Variants in KCNN2 observed in about 807,000 individuals in gnomAD.
KCNN2 encodes the protein small conductance calcium-activated potassium channel protein 2.
Under a neutral mutation model 55.5 loss-of-function variants are expected in KCNN2, and 24 were observed. The ratio of observed to expected loss-of-function variants is 0.43; its 90% confidence interval spans 0.31 to 0.61. KCNN2 has a LOEUF of 0.61. Among genes scored for constraint, KCNN2 ranks in the 20% least tolerant of loss-of-function variants. The pLI, the probability that KCNN2 is intolerant of heterozygous loss-of-function variation, is 0.08. For missense variants in KCNN2, 754 were observed against 853.6 expected (o/e 0.88, Z 1.45); for synonymous variants, 431 against 336.1 (o/e 1.28, Z -3.09).
intron 1 of KCNN2, among the ~76,000 whole-genome samples, chr5:114,162,181 G>A (rs1314204899): frequency 6.6e-6 from 1 of 152,094 alleles, no homozygotes; most frequent in Non-Finnish European, 1.5e-5. Flanking sequence ...CGGGTTTTTG[G>A]TGTGGATGTC....
Position 114,390,989 on chromosome 5 carries a change from G to A in KCNN2, c.1219-13449G>A, listed in dbSNP as rs571654962. 3.3e-5 allele frequency among the ~76,000 whole-genome samples: 5 copies of A among 152,182 alleles called. No individual in the cohort carries two copies. In the East Asian group the frequency reaches 7.7e-4, roughly 24 times the overall value. On this transcript the variant is annotated intron_variant, in intron 2 of 7. Transcript: ENST00000673685. The stretch of plus-strand genomic sequence containing the variant: ...GCAGCATAACATGGATTTATTATAC[G>A]TAACCTTAACTATCACTGCATCCTG...
intron 2 of KCNN2, among the ~76,000 whole-genome samples, chr5:114,279,645 C>G (rs1251743620): frequency 2.6e-5 from 4 of 152,184 alleles, no homozygotes; most frequent in Non-Finnish European, 5.9e-5. Context: ...CTTTTTATGG[C>G]TGCATAGTAT....
At chr5:114,453,043 G>A (rs1236205443) in intron 3 of KCNN2, among the ~76,000 whole-genome samples, 1 of 152,144 alleles carries the variant, frequency 6.6e-6, no homozygotes, top group Non-Finnish European at 1.5e-5. Context: ...TATCAGCTTT[G>A]TTACTGAAAT....
At chr5:114,413,053 C>T (rs914148793) in intron 3 of KCNN2, among the ~76,000 whole-genome samples, 6 of 152,138 alleles carry the variant, frequency 3.9e-5, no homozygotes, top group African/African-American at 1.2e-4. Context: ...CATTTTCAGG[C>T]TCATAAATGA....
intron 2 of KCNN2, among the ~76,000 whole-genome samples, chr5:114,224,474 G>A (rs1394015515): frequency 6.6e-6 from 1 of 152,150 alleles, no homozygotes; most frequent in South Asian, 2.1e-4. Flanking sequence ...ATATTTTTTA[G>A]ATTCTAAATC....
chr5:114,312,430 CACACATATATATATATAT>C (rs1756419204), intron 2 of KCNN2, among the ~76,000 whole-genome samples: 7 of 21,772 alleles, frequency 3.2e-4, no homozygotes, highest in East Asian at 1.3e-3. Context: ...CACACACACA[CACACATATATATATATAT>C]ATATATATAT....
intron 1 of KCNN2, among the ~76,000 whole-genome samples, chr5:114,188,827 T>G (rs4705634): frequency 0.56 from 85,121 of 151,952 alleles, 24,474 homozygotes; most frequent in Non-Finnish European, 0.62. Context: ...GGTGGTGGGG[T>G]ATACAACCTG....
intron 1 of KCNN2, among the ~76,000 whole-genome samples, chr5:114,177,704 G>A (rs1753164680): frequency 6.6e-6 from 1 of 151,900 alleles, no homozygotes; most frequent in African/African-American, 2.4e-5. Context: ...AATTAAAATT[G>A]TGCTAACTGT....
At position 114,362,442 on chromosome 5, in the gene KCNN2, C is replaced by G. The variant is rs757465380; in HGVS notation, c.303C>G (p.Thr101=). 23 of 377,874 alleles carry G rather than the reference C, an allele frequency of 6.1e-5. No individual in the cohort carries two copies. Among genetic ancestry groups the G allele is most frequent in the Non-Finnish European group, 7.6e-5 (16 of 211,310 alleles). The allele number at this position is 377,874 out of a possible 1,614,324, so 23.4% of individuals were successfully genotyped here. The change falls in exon 1 of 8, where the codon ACC becomes ACG. Residue 101 remains threonine (T), a synonymous_variant. Coordinates refer to ENST00000673685, the MANE Select transcript of KCNN2 (RefSeq NM_021614.4). ...CCTCGCCCGGCGGCGCCTTCCGGACCCGCACCTCCTCGCCGCTGTCGGGCT... is the reference window on the plus strand; with the variant it reads ...CCTCGCCCGGCGGCGCCTTCCGGACGCGCACCTCCTCGCCGCTGTCGGGCT... ...RTSSPGGAFR[T]RTSSPLSGSS...
intron 2 of KCNN2, among the ~76,000 whole-genome samples, chr5:114,275,710 T>G (rs1307482753): frequency 1.3e-5 from 2 of 152,184 alleles, no homozygotes; most frequent in African/African-American, 4.8e-5. Context: ...TGCATTTATT[T>G]GAGTCTTCTC....
At chr5:114,299,761 G>T (rs988649766) in intron 2 of KCNN2, among the ~76,000 whole-genome samples, 2 of 152,130 alleles carry the variant, frequency 1.3e-5, no homozygotes, top group African/African-American at 4.8e-5. Flanking sequence ...GAGTCTTCCA[G>T]TTTATCCTCA....
intron 2 of KCNN2, among the ~76,000 whole-genome samples, chr5:114,294,783 G>T (rs1423469878): frequency 6.6e-6 from 1 of 152,148 alleles, no homozygotes; most frequent in Non-Finnish European, 1.5e-5. Flanking sequence ...GTCTAATGTT[G>T]ACAGTGGGGT....
At chr5:114,277,741 C>A (rs1450520546) in intron 2 of KCNN2, among the ~76,000 whole-genome samples, 1 of 152,092 alleles carries the variant, frequency 6.6e-6, no homozygotes, top group Admixed American at 6.6e-5. Context: ...ATTTGTCTAA[C>A]CTTTTTTCAA....
At chr5:114,079,430 A>G (rs1327298300) in intron 1 of KCNN2, among the ~76,000 whole-genome samples, 1 of 152,216 alleles carries the variant, frequency 6.6e-6, no homozygotes, top group Non-Finnish European at 1.5e-5. Context: ...TAATTAAGCA[A>G]CATAGCAGAG....
intron 2 of KCNN2, among the ~76,000 whole-genome samples, chr5:114,311,568 C>T (rs1475043987): frequency 6.6e-6 from 1 of 152,124 alleles, no homozygotes; most frequent in Non-Finnish European, 1.5e-5. Flanking sequence ...CATGTCATCT[C>T]TTTCTACTTT....
At chr5:114,101,660 C>G (rs1256409183) in intron 1 of KCNN2, among the ~76,000 whole-genome samples, 1 of 151,896 alleles carries the variant, frequency 6.6e-6, no homozygotes, top group Admixed American at 6.6e-5. Context: ...GTTCAACCCC[C>G]ACTTATGAGT....
intron 1 of KCNN2, chr5:114,056,544 A>C: frequency 2.5e-6 from 1 of 397,084 alleles, no homozygotes; most frequent in Non-Finnish European, 4.4e-6. Flanking sequence ...CCACAGATTT[A>C]ATGGGGACCA....
At chr5:114,451,748 T>A (rs1458042406) in intron 3 of KCNN2, among the ~76,000 whole-genome samples, 1 of 151,146 alleles carries the variant, frequency 6.6e-6, no homozygotes, top group African/African-American at 2.4e-5. Context: ...TACAAAAAAA[T>A]TAGCCAGGCA....
At chr5:114,142,754 T>C (rs1752312223) in intron 1 of KCNN2, among the ~76,000 whole-genome samples, 2 of 152,100 alleles carry the variant, frequency 1.3e-5, no homozygotes, top group Non-Finnish European at 2.9e-5. Flanking sequence ...TGCTCATACA[T>C]AGGAAGAATC....
Sources: gnomAD v4.1 joint callset for allele counts (sites outside exome capture counted in the v4.1 genomes callset) on GRCh38, gnomAD v4.1.1 for gene constraint, MANE v1.5 for transcripts, NCBI Gene and HGNC (gene_info 2026-07-23, HGNC 2026-07-21) for gene names.